The following MME variants were observed in gnomAD, a reference collection of about 807,000 sequenced individuals.
The protein encoded by MME is neprilysin.
A neutral mutation model predicts 113.2 loss-of-function variants in MME; 98 were observed. That is an observed-to-expected ratio of 0.87 (90% CI 0.74 to 1.02). MME has a LOEUF of 1.02. MME is among the 50% of genes least tolerant of loss of function. MME has a pLI of 0.00. For missense variants in MME, 836 were observed against 896.0 expected (o/e 0.93, Z 0.86); for synonymous variants, 292 against 300.6 (o/e 0.97, Z 0.30).
upstream of MME, among the ~76,000 whole-genome samples, chr3:155,076,459 C>G (rs940958627): frequency 1.3e-5 from 2 of 152,114 alleles, no homozygotes; most frequent in African/African-American, 4.8e-5. Context: ...GGATAGATAC[C>G]ACCAGGACAG....
At position 155,116,986 on chromosome 3, in the gene MME, T is replaced by C. The variant is rs1274822390; in HGVS notation, c.654T>C (p.His218=). The change falls in exon 7 of 23, where the codon CAT becomes CAC. Residue 218 remains histidine, a splice_region_variant and synonymous_variant. Transcript: ENST00000360490. ...DDKNSVNHVI[H]IDQPRLGLPS... ...AGAATTCTGTGAATCATGTAATTCA[T>C]GTAAGTTTGTGTGTCAAATAACTAA... 6.8e-7 allele frequency: 1 copy of C among 1,468,902 alleles called. No homozygotes were observed. The highest frequency in any genetic ancestry group is 1.1e-5 in the South Asian group (1 of 88,022). 91.0% of individuals were successfully genotyped at this position (1,468,902 alleles called of 1,614,324 possible). A position where few individuals can be genotyped will look rare whatever the true frequency, so the allele number is the denominator to read the frequency against.
chr3:155,041,347 T>C (rs1056207152), intron 1 of MME, among the ~76,000 whole-genome samples: 1 of 152,178 alleles, frequency 6.6e-6, no homozygotes, highest in Non-Finnish European at 1.5e-5. Context: ...TTTTACAACA[T>C]TTCACCTGTA....
chr3:155,084,476 T>C, intron 2 of MME, 149 bp downstream of exon 2: 1 of 797,324 alleles, frequency 1.3e-6, no homozygotes, highest in Non-Finnish European at 2.1e-6. Context: ...AACATCAATA[T>C]GTCAAAATAA....
intron 3 of MME, among the ~76,000 whole-genome samples, chr3:155,096,922 G>A (rs1716791801): frequency 6.6e-6 from 1 of 152,150 alleles, no homozygotes; most frequent in Non-Finnish European, 1.5e-5. Context: ...GTTTCACCAT[G>A]TTGCCCAGGC....
At chr3:155,126,095 G>A (rs543532081) in intron 8 of MME, among the ~76,000 whole-genome samples, 4 of 152,140 alleles carry the variant, frequency 2.6e-5, no homozygotes, top group African/African-American at 9.6e-5. Flanking sequence ...TATCATCAAA[G>A]GCCACAATTA....
intron 22 of MME, among the ~76,000 whole-genome samples, chr3:155,173,993 T>TTG (rs894483478): frequency 3.9e-5 from 6 of 151,932 alleles, no homozygotes; most frequent in East Asian, 1.9e-4. Context: ...AGAGCCTATT[T>TTG]TGTGTGTGTG....
intron 1 of MME, among the ~76,000 whole-genome samples, chr3:155,033,849 T>C (rs1259188751): frequency 6.6e-6 from 1 of 152,128 alleles, no homozygotes; most frequent in Admixed American, 6.5e-5. Context: ...AAAAGCCTAA[T>C]TAAAATGTTG....
intron 16 of MME, among the ~76,000 whole-genome samples, chr3:155,151,783 C>T (rs955594976): frequency 6.6e-6 from 1 of 152,104 alleles, no homozygotes; most frequent in African/African-American, 2.4e-5. Flanking sequence ...AAAAAGTCTG[C>T]ATCCACCAGC....
At chr3:155,042,761 T>C (rs1467057116) in intron 1 of MME, among the ~76,000 whole-genome samples, 1 of 151,508 alleles carries the variant, frequency 6.6e-6, no homozygotes, top group South Asian at 2.1e-4. Context: ...AATGAAAGTA[T>C]CTTTTCATGT....
intron 8 of MME, among the ~76,000 whole-genome samples, chr3:155,119,172 C>CCCT (rs1210294881): frequency 6.6e-6 from 1 of 152,040 alleles, no homozygotes; most frequent in African/African-American, 2.4e-5. Context: ...CTGGTGAGGA[C>CCCT]CAGAGGGTCA....
chr3:155,111,887 T>C (rs1242413122), intron 3 of MME, among the ~76,000 whole-genome samples: 1 of 152,186 alleles, frequency 6.6e-6, no homozygotes, highest in East Asian at 1.9e-4. Context: ...GCTAAGTGTG[T>C]TCTTAGAATG....
intron 8 of MME, among the ~76,000 whole-genome samples, chr3:155,132,393 T>G (rs1720211454): frequency 1.3e-5 from 2 of 152,136 alleles, no homozygotes; most frequent in African/African-American, 2.4e-5. Flanking sequence ...CTATCCATGG[T>G]GTTGGGTGTT....
At chr3:155,101,555 T>A (rs1389514137) in intron 3 of MME, among the ~76,000 whole-genome samples, 3 of 152,170 alleles carry the variant, frequency 2.0e-5, no homozygotes, top group Non-Finnish European at 4.4e-5. Flanking sequence ...GGGATTTCAC[T>A]CCTGGCTCAT....
At chr3:155,059,005 G>A (rs1714042334) in intron 1 of MME, among the ~76,000 whole-genome samples, 1 of 152,134 alleles carries the variant, frequency 6.6e-6, no homozygotes, top group African/African-American at 2.4e-5. Context: ...GCTCATGCCT[G>A]TAATCCCAGC....
chr3:155,173,238 T>C (rs1712177792), intron 22 of MME, among the ~76,000 whole-genome samples: 1 of 152,046 alleles, frequency 6.6e-6, no homozygotes, highest in African/African-American at 2.4e-5. Flanking sequence ...TATGTATTTG[T>C]TTAAGAACTG....
At chr3:155,060,728 G>A (rs1330795402) in intron 1 of MME, among the ~76,000 whole-genome samples, 2 of 150,846 alleles carry the variant, frequency 1.3e-5, no homozygotes, top group Non-Finnish European at 2.9e-5. Context: ...GAGGGTGGAA[G>A]TCTGTAATCA....
chr3:155,081,465 C>T (rs957364164), intron 1 of MME: 1 of 152,108 alleles, frequency 6.6e-6, no homozygotes. Flanking sequence ...TATCTTAGAC[C>T]TCCTAATTCT....
chr3:155,078,464 T>A (rs1208352252), upstream of MME, among the ~76,000 whole-genome samples: 1 of 152,160 alleles, frequency 6.6e-6, no homozygotes, highest in African/African-American at 2.4e-5. Flanking sequence ...GTCTCTCCAT[T>A]GTATTCCACT....
At chr3:155,046,078 A>G (rs1713549694) in intron 1 of MME, among the ~76,000 whole-genome samples, 1 of 152,136 alleles carries the variant, frequency 6.6e-6, no homozygotes, top group South Asian at 2.1e-4. Context: ...TTGTGCCTCT[A>G]TCTCTTGCAC....
Sources: gnomAD v4.1 joint callset for allele counts (sites outside exome capture counted in the v4.1 genomes callset) on GRCh38, gnomAD v4.1.1 for gene constraint, MANE v1.5 for transcripts, NCBI Gene and HGNC (gene_info 2026-07-23, HGNC 2026-07-21) for gene names.